The following FBXO25 variants were observed in gnomAD, a reference collection of about 807,000 sequenced individuals.
FBXO25 encodes the protein F-box only protein 25.
A neutral mutation model predicts 51.9 loss-of-function variants in FBXO25; 45 were observed. That is an observed-to-expected ratio of 0.87 (90% CI 0.68 to 1.11). The LOEUF is 1.11. Among genes scored for constraint, FBXO25 ranks in the 50% most tolerant of loss-of-function variants. FBXO25 has a pLI of 0.00. For synonymous variants in FBXO25, 199 were observed against 151.0 expected, an observed-to-expected ratio of 1.32 and a Z score of -2.33; for missense variants, 507 against 428.5, an observed-to-expected ratio of 1.18 and a Z score of -1.62.
rs1800640437 is a variant in FBXO25 at position 476,275 on chromosome 8, T to A, written c.*7471T>A. The A allele has an allele frequency of 6.6e-6, 1 of 152,162 alleles. No individual in the cohort carries two copies. Among genetic ancestry groups the A allele is most frequent in the Admixed American group, 6.5e-5 (1 of 15,276 alleles). 9.4% of individuals were successfully genotyped at this position (152,162 alleles called of 1,614,324 possible). On this transcript the variant is annotated 3_prime_UTR_variant, in exon 10 of 10. Coordinates refer to ENST00000350302, the MANE Select transcript of FBXO25 (RefSeq NM_183420.2). ...CACTGAATCCTGTTGGCCAGTATTT[T>A]GTTGAATATTGATTTAAAAAAATCT...
rs1408382842 is a variant in FBXO25 at position 440,138 on chromosome 8, C to A, written c.381+4431C>A. Among the ~76,000 whole-genome samples the A allele has an allele frequency of 5.3e-5, 8 of 152,144 alleles. No individual in the cohort carries two copies. The East Asian group carries it at 1.5e-3, about 29-fold the overall frequency. ...GGAGAGAGGCTCTGCAGCCACACAG[C>A]CGTTGTTGGAATTCTGTCTCTTTCT... On this transcript the variant is annotated intron_variant, in intron 5 of 9. Transcript: ENST00000350302.
intron 5 of FBXO25, among the ~76,000 whole-genome samples, chr8:447,798 C>G (rs1798834673): frequency 6.6e-6 from 1 of 152,102 alleles, no homozygotes; most frequent in South Asian, 2.1e-4. Flanking sequence ...ATGGAATTTT[C>G]CACTTGTGGC....
chr8:419,186 C>G (rs1039633248), intron 2 of FBXO25, among the ~76,000 whole-genome samples: 1 of 151,830 alleles, frequency 6.6e-6, no homozygotes, highest in Non-Finnish European at 1.5e-5. Context: ...ATGGTGAAAC[C>G]CCGTCTCTAC....
chr8:410,082 G>A (rs1159309812), intron 1 of FBXO25, among the ~76,000 whole-genome samples: 1 of 152,122 alleles, frequency 6.6e-6, no homozygotes, highest in Non-Finnish European at 1.5e-5. Context: ...ATGCTTCAGG[G>A]CGAAGATCGA....
chr8:467,704 CTT>C, intron 9 of FBXO25: 2 of 1,613,732 alleles, frequency 1.2e-6, no homozygotes, highest in Non-Finnish European at 8.5e-7. Context: ...CTGATTCTTT[CTT>C]CATGATCTCG....
At chr8:460,973 C>G (rs915753423) in intron 8 of FBXO25, among the ~76,000 whole-genome samples, 1 of 152,150 alleles carries the variant, frequency 6.6e-6, no homozygotes, top group Non-Finnish European at 1.5e-5. Flanking sequence ...AAAAGTAAAA[C>G]ATGCTCATTG....
intron 2 of FBXO25, among the ~76,000 whole-genome samples, chr8:417,473 G>C (rs1405828160): frequency 2.0e-5 from 3 of 152,234 alleles, no homozygotes; most frequent in East Asian, 1.9e-4. Flanking sequence ...CATGGAATGT[G>C]TATGGTGCAG....
chr8:454,898 G>GA lies in FBXO25; in HGVS notation c.660+3450dup, dbSNP rs1475853570. 5.5e-5 allele frequency among the ~76,000 whole-genome samples: 7 copies of GA among 126,954 alleles called. 1 individual carries two copies. The highest frequency in any genetic ancestry group is 1.9e-4 in the African/African-American group (6 of 31,378). 83.3% of individuals were successfully genotyped at this position (126,954 alleles called of 152,430 possible). ...AGAGGGAGACTCCATCTCAAAAAAA[G>GA]AAAAAGAAAAAGAAAACAAAGAATG... On this transcript the variant is annotated intron_variant, in intron 7 of 9. Transcript: ENST00000350302.
At chr8:440,001 C>G (rs1798330536) in intron 5 of FBXO25, among the ~76,000 whole-genome samples, 1 of 152,166 alleles carries the variant, frequency 6.6e-6, no homozygotes, top group South Asian at 2.1e-4. Flanking sequence ...CTACTAATGA[C>G]TACTCCATAG....
Position 474,554 on chromosome 8 carries a change from T to A in FBXO25, c.*5750T>A, listed in dbSNP as rs1474247678. 2.8e-6 allele frequency: 1 copy of A among 351,656 alleles called. No homozygotes were observed. The highest frequency in any genetic ancestry group is 5.5e-6 in the Non-Finnish European group (1 of 182,620). The allele number at this position is 351,656 out of a possible 1,614,324, so 21.8% of individuals were successfully genotyped here. On this transcript the variant is annotated 3_prime_UTR_variant, in exon 10 of 10. Coordinates refer to ENST00000350302, the MANE Select transcript of FBXO25 (RefSeq NM_183420.2). The stretch of plus-strand genomic sequence containing the variant: ...TTGCCACATCCTTGCCAACACCTGT[T>A]TTTAATAATTGCCATCCTAATGAGT...
rs1359322603 is a variant in FBXO25 at position 474,607 on chromosome 8, AT to A, written c.*5806del. 2.5e-6 allele frequency: 1 copy of A among 398,904 alleles called. No homozygotes were observed. The highest frequency in any genetic ancestry group is 7.1e-5 in the East Asian group (1 of 14,118). The allele number at this position is 398,904 out of a possible 1,614,324, so 24.7% of individuals were successfully genotyped here. ...GAAGTGGTATCCTGCTGAGATTTTG[AT>A]TTGCATTTCCGTAATGACTGGTGAT... On this transcript the variant is annotated 3_prime_UTR_variant, in exon 10 of 10. Transcript: ENST00000350302.
intron 2 of FBXO25, among the ~76,000 whole-genome samples, chr8:425,941 C>T (rs1797447413): frequency 6.8e-6 from 1 of 146,960 alleles, no homozygotes; most frequent in Non-Finnish European, 1.5e-5. Flanking sequence ...ATAGCAAACA[C>T]TTAGTTTCTT....
chr8:438,697 A>C (rs1228082817), intron 5 of FBXO25, among the ~76,000 whole-genome samples: 2 of 152,250 alleles, frequency 1.3e-5, no homozygotes, highest in East Asian at 3.9e-4. Flanking sequence ...TCCTGTGTGC[A>C]GATCAACGTA....
intron 4 of FBXO25, among the ~76,000 whole-genome samples, chr8:433,294 C>T (rs1282564630): frequency 6.6e-6 from 1 of 152,036 alleles, no homozygotes; most frequent in Non-Finnish European, 1.5e-5. Context: ...TATATGTGTG[C>T]AGTGTGTGGT....
chr8:441,106 C>A (rs371218537), intron 5 of FBXO25, among the ~76,000 whole-genome samples: 14,432 of 150,168 alleles, frequency 0.096, 822 homozygotes, highest in African/African-American at 0.15. Flanking sequence ...TACTACCTGA[C>A]TTCAGACTAT....
chr8:453,262 C>T (rs1370589545), intron 7 of FBXO25, among the ~76,000 whole-genome samples: 1 of 152,210 alleles, frequency 6.6e-6, no homozygotes, highest in Non-Finnish European at 1.5e-5. Context: ...ATCTTACCAT[C>T]AGAGACCTTG....
chr8:468,716 A>G lies in FBXO25; in HGVS notation c.989A>G (p.Asp330Gly), dbSNP rs534732452. The change falls in exon 10 of 10, where the codon GAC becomes GGC. Residue 330 changes from aspartate to glycine, a missense_variant and splice_region_variant. By Grantham distance (94) the Asp-to-Gly change is moderately conservative. Transcript: ENST00000350302. The stretch of plus-strand genomic sequence containing the variant: ...TAACCATCTCCCACCTCCCCACAGG[A>G]CTCAGGACACCCCTGCACGGCGGCC... The part of the protein sequence containing the change: ...CRHCSILFWK[D>G]SGHPCTAADP... The G allele has an allele frequency of 7.8e-5, 126 of 1,613,472 alleles. No homozygotes were observed. The South Asian group carries it at 1.3e-3, about 17-fold the overall frequency.
intron 5 of FBXO25, among the ~76,000 whole-genome samples, chr8:442,404 CT>C (rs1209797597): frequency 1.3e-5 from 2 of 149,676 alleles, no homozygotes; most frequent in African/African-American, 2.5e-5. Context: ...CTACAGGTTA[CT>C]TTTTTTTTTC....
At chr8:463,236 A>G (rs892561465) in intron 9 of FBXO25, 86 bp downstream of exon 9, 1 of 1,435,968 alleles carries the variant, frequency 7.0e-7, no homozygotes, top group Non-Finnish European at 9.6e-7. Context: ...ATAAGACTAA[A>G]AAGCGGAAAA....
Sources: gnomAD v4.1 joint callset for allele counts (sites outside exome capture counted in the v4.1 genomes callset) on GRCh38, gnomAD v4.1.1 for gene constraint, MANE v1.5 for transcripts, NCBI Gene and HGNC (gene_info 2026-07-23, HGNC 2026-07-21) for gene names.